NEXN: variants seen among roughly 807,000 people sequenced by gnomAD.
The protein encoded by NEXN is nexilin.
NEXN carries 65 observed loss-of-function variants against 92.6 expected under a neutral mutation model. That is an observed-to-expected ratio of 0.70 (90% CI 0.57 to 0.86). The LOEUF is 0.86. Among genes scored for constraint, NEXN ranks in the 40% least tolerant of loss-of-function variants. The probability of loss-of-function intolerance (pLI) is 0.00; values close to 1 mark genes in which losing one functional copy is unlikely to be tolerated. For missense variants in NEXN, 778 were observed against 771.1 expected (o/e 1.01, Z -0.11); for synonymous variants, 254 against 242.5 (o/e 1.05, Z -0.44).
At chr1:77,907,842 C>CA (rs953358345) in intron 1 of NEXN, among the ~76,000 whole-genome samples, 1 of 151,988 alleles carries the variant, frequency 6.6e-6, no homozygotes, top group Non-Finnish European at 1.5e-5. Context: ...CACACACACA[C>CA]AAAAAAAGCC....
In NEXN at chr1:77,935,810, AT is replaced by A. The variant is rs768326968; in HGVS notation, c.1252-5del. 3.4e-5 allele frequency: 55 copies of A among 1,600,864 alleles called. No homozygotes were observed. The highest frequency in any genetic ancestry group is 3.8e-5 in the Non-Finnish European group (45 of 1,170,794). Reference sequence around the variant, plus strand: ...AAAAACAGCAGCAACAAACTTATTAATTTTTTTTGAAGGAAGAGGAAGAAAA... The same window carrying A: ...AAAAACAGCAGCAACAAACTTATTAATTTTTTTGAAGGAAGAGGAAGAAAA... On this transcript the variant is annotated splice_polypyrimidine_tract_variant and intron_variant, in intron 10 of 12. Coordinates refer to ENST00000334785, the MANE Select transcript of NEXN (RefSeq NM_144573.4).
chr1:77,917,490 T>C, intron 2 of NEXN, 76 bp from the exon 3 acceptor site: 3 of 1,042,138 alleles, frequency 2.9e-6, no homozygotes, highest in South Asian at 2.8e-5. Context: ...TTATATTGCT[T>C]ATTCTTATCT....
intron 1 of NEXN, among the ~76,000 whole-genome samples, chr1:77,907,439 T>G (rs1648201762): frequency 6.6e-6 from 1 of 152,224 alleles, no homozygotes; most frequent in Admixed American, 6.5e-5. Flanking sequence ...GCACCTTAAG[T>G]GCAATTCCAT....
intron 1 of NEXN, among the ~76,000 whole-genome samples, chr1:77,911,739 TTATATATA>T (rs34038877): frequency 6.7e-6 from 1 of 148,352 alleles, no homozygotes; most frequent in Admixed American, 6.8e-5. Context: ...ATAGCCTGTT[TTATATATA>T]TATATATATA....
intron 2 of NEXN, 68 bp downstream of exon 2, chr1:77,916,201 G>A: frequency 7.9e-7 from 1 of 1,263,984 alleles, no homozygotes; most frequent in East Asian, 2.6e-5. Context: ...ATTGCTGAAA[G>A]GACAGTCATT....
chr1:77,893,797 G>T (rs912344810), intron 1 of NEXN, among the ~76,000 whole-genome samples: 2 of 151,702 alleles, frequency 1.3e-5, no homozygotes, highest in Admixed American at 6.6e-5. Flanking sequence ...GGATATCAAG[G>T]CAGGTTGAAA....
chr1:77,939,743 T>C (rs1394311844), intron 11 of NEXN, among the ~76,000 whole-genome samples: 1 of 152,160 alleles, frequency 6.6e-6, no homozygotes, highest in Non-Finnish European at 1.5e-5. Context: ...TCCTATCATA[T>C]CTTTCTGGCT....
chr1:77,898,677 A>G (rs1410314410), intron 1 of NEXN, among the ~76,000 whole-genome samples: 1 of 152,220 alleles, frequency 6.6e-6, no homozygotes, highest in African/African-American at 2.4e-5. Flanking sequence ...TAATTAAACT[A>G]AAGAGCTTCT....
At position 77,933,341 on chromosome 1, in the gene NEXN, G is replaced by A. The variant is rs775241177; in HGVS notation, c.1113G>A (p.Pro371=). The A allele has an allele frequency of 3.7e-6, 6 of 1,610,272 alleles. No individual in the cohort carries two copies. The highest frequency in any genetic ancestry group is 1.1e-5 in the South Asian group (1 of 90,502). ...CAATCTCTCAAGAATTTCTTACACCGGGAAAACTGGAAATTAATTTTGAAG... is the reference window on the plus strand; with the variant it reads ...CAATCTCTCAAGAATTTCTTACACCAGGAAAACTGGAAATTAATTTTGAAG... The part of the protein sequence containing the change: ...YKTISQEFLT[P]GKLEINFEEL... Residue 371 remains proline, a synonymous_variant, in exon 10 of 13, where the codon CCG becomes CCA. Coordinates refer to ENST00000334785, the MANE Select transcript of NEXN (RefSeq NM_144573.4).
chr1:77,904,829 A>G (rs569080438), intron 1 of NEXN, among the ~76,000 whole-genome samples: 1 of 152,338 alleles, frequency 6.6e-6, no homozygotes, highest in South Asian at 2.1e-4. Flanking sequence ...AGGCTGGACC[A>G]CTTAAAAATC....
chr1:77,939,939 T>G (rs966559720), intron 11 of NEXN, among the ~76,000 whole-genome samples: 1 of 152,134 alleles, frequency 6.6e-6, no homozygotes, highest in African/African-American at 2.4e-5. Context: ...CCGGGCGTGG[T>G]GGCAGACGCC....
At position 77,942,929 on chromosome 1, in the gene NEXN, C is replaced by T. The variant is rs1350942598; in HGVS notation, c.*100C>T. ...TGACTACTAGCTCCCCTCCCCTCTC[C>T]CTGGAACTTTCTCTTTCACTCCAAC... On this transcript the variant is annotated 3_prime_UTR_variant, in exon 13 of 13. Transcript: ENST00000334785. 2 of 1,460,536 alleles carry T rather than the reference C, an allele frequency of 1.4e-6. No homozygotes were observed. The highest frequency in any genetic ancestry group is 1.9e-6 in the Non-Finnish European group (2 of 1,069,526). 90.5% of individuals were successfully genotyped at this position (1,460,536 alleles called of 1,614,324 possible). A position where few individuals can be genotyped will look rare whatever the true frequency, so the allele number is the denominator to read the frequency against.
In NEXN at chr1:77,906,108, G is replaced by A. The variant is rs145940792; in HGVS notation, c.-52-9947G>A. Among the ~76,000 whole-genome samples the A allele has an allele frequency of 2.7e-3, 408 of 152,038 alleles. 3 individuals are homozygous for A. The highest frequency in any genetic ancestry group is 9.7e-3 in the East Asian group (50 of 5,170). ...AGAAGCCCTCAAAGGACATAGAGAA[G>A]GAATGCTCAGAGACATGAAAAAACA... On this transcript the variant is annotated intron_variant, in intron 1 of 12. Coordinates refer to ENST00000334785, the MANE Select transcript of NEXN (RefSeq NM_144573.4).
chr1:77,901,728 A>C (rs1417930940), intron 1 of NEXN, among the ~76,000 whole-genome samples: 1 of 152,154 alleles, frequency 6.6e-6, no homozygotes, highest in Non-Finnish European at 1.5e-5. Context: ...TTTATAATAC[A>C]TAGCCTTTCT....
At chr1:77,912,433 A>G (rs1648662537) in intron 1 of NEXN, among the ~76,000 whole-genome samples, 1 of 152,186 alleles carries the variant, frequency 6.6e-6, no homozygotes, top group African/African-American at 2.4e-5. Flanking sequence ...TATTTTGTGG[A>G]TATTGACAAA....
chr1:77,903,210 C>T (rs901330222), intron 1 of NEXN, among the ~76,000 whole-genome samples: 3 of 151,108 alleles, frequency 2.0e-5, no homozygotes, highest in Admixed American at 2.0e-4. Context: ...GGGCTGTTAT[C>T]CTATCATAAG....
At chr1:77,929,219 C>T in intron 8 of NEXN, 97 bp from the exon 9 acceptor site, 5 of 821,152 alleles carry the variant, frequency 6.1e-6, no homozygotes, top group Non-Finnish European at 1.0e-5. Context: ...ATTGAAACTC[C>T]TGTGTGATAG....
At chr1:77,914,743 G>C (rs1244748556) in intron 1 of NEXN, among the ~76,000 whole-genome samples, 1 of 151,620 alleles carries the variant, frequency 6.6e-6, no homozygotes, top group African/African-American at 2.4e-5. Context: ...TGTAATCCCA[G>C]CTACTCAGGA....
intron 9 of NEXN, among the ~76,000 whole-genome samples, chr1:77,931,197 C>G (rs1179442194): frequency 1.4e-5 from 2 of 142,292 alleles, no homozygotes; most frequent in Non-Finnish European, 3.0e-5. Context: ...ACCATCCTGG[C>G]TAACATGTTG....
Sources: allele counts gnomAD v4.1 joint callset (sites outside exome capture counted in the v4.1 genomes callset), GRCh38; gene constraint gnomAD v4.1.1; transcripts MANE v1.5; gene names NCBI Gene and HGNC (gene_info 2026-07-23, HGNC 2026-07-21).